The following MAF variants were observed in gnomAD, a reference collection of about 807,000 sequenced individuals.
MAF encodes the protein transcription factor Maf.
A neutral mutation model predicts 22.0 loss-of-function variants in MAF; 10 were observed. The observed-to-expected ratio is 0.45, with a 90% CI of 0.28 to 0.77. MAF has a LOEUF of 0.77. Among genes scored for constraint, MAF ranks in the 30% least tolerant of loss-of-function variants. The pLI is 0.12. For missense variants in MAF, 544 were observed against 548.4 expected (o/e 0.99, Z 0.08); for synonymous variants, 337 against 255.8 (o/e 1.32, Z -3.03).
At chr16:79,448,407 TTTTTG>T in the MAF span, among the ~76,000 whole-genome samples, 144 of 151,524 alleles carry the variant, frequency 9.5e-4, 1 homozygote, top group Admixed American at 8.4e-3. Context: ...CAATGAAGCA[TTTTTG>T]TTTTGTTTTA....
chr16:79,265,708 C>T, the MAF span, among the ~76,000 whole-genome samples: 1 of 152,220 alleles, frequency 6.6e-6, no homozygotes, highest in Non-Finnish European at 1.5e-5. Flanking sequence ...TTAGCAATCT[C>T]AGCACACAAT....
chr16:79,526,420 G>A, the MAF span, among the ~76,000 whole-genome samples: 1 of 152,158 alleles, frequency 6.6e-6, no homozygotes, highest in East Asian at 1.9e-4. Context: ...GGAGTGATGG[G>A]GAGTGGCTGT....
At chr16:79,448,455 T>C in the MAF span, among the ~76,000 whole-genome samples, 1 of 151,936 alleles carries the variant, frequency 6.6e-6, no homozygotes, top group Non-Finnish European at 1.5e-5. Flanking sequence ...AGGAGGAGTC[T>C]TGCACTGTCA....
the MAF span, chr16:79,206,592 G>A: frequency 6.6e-6 from 1 of 152,230 alleles, no homozygotes; most frequent in Admixed American, 6.5e-5. Context: ...CACTTGAATA[G>A]TACTCGTTGG....
the MAF span, among the ~76,000 whole-genome samples, chr16:79,465,120 G>A: frequency 6.6e-6 from 1 of 152,118 alleles, no homozygotes; most frequent in South Asian, 2.1e-4. Context: ...AAGAATAGTT[G>A]TCCCTGGGTA....
chr16:79,235,695 T>G, the MAF span, among the ~76,000 whole-genome samples: 1 of 152,024 alleles, frequency 6.6e-6, no homozygotes, highest in Non-Finnish European at 1.5e-5. Context: ...TAGCAATGGT[T>G]GACAATTCTT....
chr16:79,422,504 T>C, the MAF span, among the ~76,000 whole-genome samples: 1 of 152,174 alleles, frequency 6.6e-6, no homozygotes, highest in Non-Finnish European at 1.5e-5. Flanking sequence ...GAGCCAGTCA[T>C]AGAGATTCAA....
chr16:79,283,890 G>A, the MAF span, among the ~76,000 whole-genome samples: 6 of 151,400 alleles, frequency 4.0e-5, no homozygotes, highest in Non-Finnish European at 5.9e-5. Flanking sequence ...CTCCTGCACG[G>A]GGTAGCTGGG....
At chr16:79,247,735 G>GT in the MAF span, among the ~76,000 whole-genome samples, 79 of 151,788 alleles carry the variant, frequency 5.2e-4, no homozygotes, top group Non-Finnish European at 6.9e-4. Context: ...AATAAAAGTG[G>GT]TTTTTTTTGG....
chr16:79,543,733 C>G, the MAF span, among the ~76,000 whole-genome samples: 1 of 145,874 alleles, frequency 6.9e-6, no homozygotes, highest in Admixed American at 7.0e-5. Context: ...GTCGCCCAGG[C>G]TGGAGTGCAG....
chr16:79,418,333 C>A, the MAF span, among the ~76,000 whole-genome samples: 1 of 151,988 alleles, frequency 6.6e-6, no homozygotes, highest in Non-Finnish European at 1.5e-5. Context: ...TGGGAGCAGC[C>A]ACAGAGAAAA....
the MAF span, among the ~76,000 whole-genome samples, chr16:79,371,129 A>G: frequency 6.7e-6 from 1 of 148,480 alleles, no homozygotes; most frequent in Non-Finnish European, 1.5e-5. Flanking sequence ...ATTCATTCAC[A>G]TTTTTTTTTT....
chr16:79,541,867 A>T, the MAF span, among the ~76,000 whole-genome samples: 1 of 151,814 alleles, frequency 6.6e-6, no homozygotes, highest in Non-Finnish European at 1.5e-5. Context: ...TGTTGGCCAG[A>T]CTGGCCTTGA....
rs1491166257 is a variant in MAF, at chr16:79,587,870, G to GC, written c.1119-1930_1119-1929insG. Among the ~76,000 whole-genome samples the GC allele has an allele frequency of 4.3e-4, 8 of 18,682 alleles. No homozygotes were observed. In the East Asian group the frequency reaches 7.0e-3, roughly 16 times the overall value. The allele number at this position is 18,682 out of a possible 152,430, so 12.3% of individuals were successfully genotyped here. On this transcript the variant is annotated intron_variant, in intron 1 of 1. Coordinates refer to the MAF transcript ENST00000569649. ...GTTATCAAAGCATTTACTTTCAAAA[G>GC]GGGGGGGGGGGTAGATACTATTTGC...
At chr16:79,215,446 T>G in the MAF span, among the ~76,000 whole-genome samples, 1 of 152,086 alleles carries the variant, frequency 6.6e-6, no homozygotes, top group East Asian at 1.9e-4. Flanking sequence ...TTGGTGGAAG[T>G]GAAAGTAAAG....
the MAF span, among the ~76,000 whole-genome samples, chr16:79,232,036 C>T: frequency 3.9e-5 from 6 of 152,002 alleles, 1 homozygote; most frequent in African/African-American, 9.6e-5. Flanking sequence ...CTAATGCCAC[C>T]GCTGATAGGA....
At chr16:79,400,716 C>T in the MAF span, among the ~76,000 whole-genome samples, 5 of 152,226 alleles carry the variant, frequency 3.3e-5, no homozygotes, top group Non-Finnish European at 7.3e-5. Flanking sequence ...GCCTGCAAGG[C>T]GATTTGATAG....
At chr16:79,525,255 G>A in the MAF span, among the ~76,000 whole-genome samples, 1 of 152,070 alleles carries the variant, frequency 6.6e-6, no homozygotes, top group Non-Finnish European at 1.5e-5. Context: ...CAGCTTCTCT[G>A]CCTCCCCCAA....
chr16:79,549,194 G>C, the MAF span, among the ~76,000 whole-genome samples: 2 of 152,178 alleles, frequency 1.3e-5, no homozygotes, highest in African/African-American at 4.8e-5. Flanking sequence ...ACAACTGCAA[G>C]AGTGTCCAGT....
Sources: allele counts gnomAD v4.1 joint callset (sites outside exome capture counted in the v4.1 genomes callset), GRCh38; gene constraint gnomAD v4.1.1; transcripts MANE v1.5; gene names NCBI Gene and HGNC (gene_info 2026-07-23, HGNC 2026-07-21).